The following ACSL4 variants were observed in gnomAD, a reference collection of about 807,000 sequenced individuals.
The protein encoded by ACSL4 is long-chain-fatty-acid--CoA ligase 4.
ACSL4 carries 9 observed loss-of-function variants against 49.1 expected under a neutral mutation model. The ratio of observed to expected loss-of-function variants is 0.18; its 90% confidence interval spans 0.11 to 0.32. The LOEUF (loss-of-function observed/expected upper bound fraction) is 0.32. Among genes scored for constraint, ACSL4 ranks in the 10% least tolerant of loss-of-function variants. The pLI is 1.00. For missense variants in ACSL4, 333 were observed against 493.7 expected (o/e 0.67, Z 3.08); for synonymous variants, 191 against 170.3 (o/e 1.12, Z -0.95).
intron 1 of ACSL4, among the ~76,000 whole-genome samples, chrX:109,702,786 T>A (rs1186996343): frequency 9.0e-6 from 1 of 111,674 alleles, no homozygotes; most frequent in Non-Finnish European, 1.9e-5. Flanking sequence ...ACAGCTGGTA[T>A]TAACACAATC....
rs376425926 is a variant in ACSL4, at chrX:109,645,701, G to A, written c.1856-1515C>T. The stretch of plus-strand genomic sequence containing the variant: ...GACTCTGGCGAGCTGAGAGAAGAAG[G>A]CTTCAGACAATCAAATTACTCCGAG... On this transcript the variant is annotated intron_variant, in intron 15 of 15. Coordinates refer to ENST00000672401, the MANE Select transcript of ACSL4 (RefSeq NM_001318510.2). Among the ~76,000 whole-genome samples, 34 of 112,224 alleles carry A rather than the reference G, an allele frequency of 3.0e-4. No individual in the cohort carries two copies. The East Asian group carries it at 6.1e-3, about 20-fold the overall frequency.
At chrX:109,700,363 C>T (rs909132228) in intron 1 of ACSL4, among the ~76,000 whole-genome samples, 1 of 109,260 alleles carries the variant, frequency 9.2e-6, no homozygotes, top group African/African-American at 3.3e-5. Flanking sequence ...AAAACCACCT[C>T]TCCACTAGAA....
intron 9 of ACSL4, among the ~76,000 whole-genome samples, chrX:109,670,673 C>G (rs1416224719): frequency 1.8e-5 from 2 of 110,083 alleles, no homozygotes; most frequent in African/African-American, 6.6e-5. Flanking sequence ...CCTCTGATGC[C>G]GAGCGGAGGC....
intron 1 of ACSL4, among the ~76,000 whole-genome samples, chrX:109,698,965 G>A (rs1925659550): frequency 8.9e-6 from 1 of 112,648 alleles, no homozygotes; most frequent in South Asian, 3.6e-4. Flanking sequence ...GATAGCATCT[G>A]TTGGAAATGT....
At chrX:109,671,599 G>A (rs1168112036) in intron 9 of ACSL4, among the ~76,000 whole-genome samples, 1 of 112,702 alleles carries the variant, frequency 8.9e-6, no homozygotes, top group African/African-American at 3.2e-5. Context: ...CATTGAGAAC[G>A]GGCCATGATG....
chrX:109,699,252 A>C, intron 1 of ACSL4, among the ~76,000 whole-genome samples: 1 of 111,830 alleles, frequency 8.9e-6, no homozygotes, highest in Non-Finnish European at 1.9e-5. Flanking sequence ...CTATTAACCC[A>C]GCTACGGGGG....
chrX:109,668,042 C>A (rs983596601), intron 11 of ACSL4, 59 bp downstream of exon 11: 10 of 897,357 alleles, frequency 1.1e-5, no homozygotes, highest in East Asian at 9.4e-5. Context: ...AAAGGTAATG[C>A]GAATGTATTT....
intron 6 of ACSL4, among the ~76,000 whole-genome samples, chrX:109,678,680 G>A (rs1219273742): frequency 2.7e-5 from 3 of 111,718 alleles, no homozygotes; most frequent in African/African-American, 9.8e-5. Context: ...AACTAAAAAA[G>A]TTAGCCGGAT....
At chrX:109,724,468 G>C (rs1401487138) in intron 1 of ACSL4, among the ~76,000 whole-genome samples, 1 of 110,665 alleles carries the variant, frequency 9.0e-6, no homozygotes, top group African/African-American at 3.3e-5. Context: ...TTTGAGACAA[G>C]GTCTCACTCT....
At chrX:109,726,706 T>C (rs2147558943) in intron 1 of ACSL4, among the ~76,000 whole-genome samples, 1 of 111,194 alleles carries the variant, frequency 9.0e-6, no homozygotes, top group Admixed American at 9.6e-5. Flanking sequence ...TGAGACAGGG[T>C]CTCGCTCTAT....
At chrX:109,711,457 T>C (rs908997772) in intron 1 of ACSL4, among the ~76,000 whole-genome samples, 21 of 112,037 alleles carry the variant, frequency 1.9e-4, no homozygotes, top group African/African-American at 6.8e-4. Flanking sequence ...GGGCAAAATA[T>C]TTAACATCTT....
chrX:109,674,389 A>G lies in ACSL4; in HGVS notation c.1002+13T>C. 8.5e-7 allele frequency: 1 copy of G among 1,178,692 alleles called. No homozygotes were observed. The highest frequency in any genetic ancestry group is 1.2e-6 in the Non-Finnish European group (1 of 865,193). On this transcript the variant is annotated intron_variant, in intron 9 of 15. Transcript: ENST00000672401. ...ACAATCCTCTTATGTTCATATTCAT[A>G]TTCTGTACTCACCGGAACAGCAGCC...
At chrX:109,729,279 A>G (rs1928248206) in intron 1 of ACSL4, among the ~76,000 whole-genome samples, 1 of 112,274 alleles carries the variant, frequency 8.9e-6, no homozygotes, top group Non-Finnish European at 1.9e-5. Flanking sequence ...GAAAATGGAC[A>G]AAAGACATGA....
At chrX:109,676,589 T>C (rs1289124822) in intron 8 of ACSL4, among the ~76,000 whole-genome samples, 1 of 111,382 alleles carries the variant, frequency 9.0e-6, no homozygotes, top group Non-Finnish European at 1.9e-5. Context: ...ACAGCTTCTT[T>C]AGTGGCTCTT....
chrX:109,667,734 A>C (rs893853804), intron 11 of ACSL4, among the ~76,000 whole-genome samples: 2 of 111,235 alleles, frequency 1.8e-5, no homozygotes, highest in African/African-American at 6.6e-5. Context: ...CCATCTAAAA[A>C]TACAAAAATT....
intron 1 of ACSL4, among the ~76,000 whole-genome samples, chrX:109,712,177 C>T (rs190273601): frequency 6.5e-4 from 73 of 111,502 alleles, no homozygotes; most frequent in African/African-American, 2.2e-3. Context: ...CAGCTCACTG[C>T]AGCCTCAAAT....
intron 1 of ACSL4, among the ~76,000 whole-genome samples, chrX:109,732,243 T>C (rs1044923202): frequency 3.6e-5 from 4 of 112,082 alleles, no homozygotes; most frequent in African/African-American, 1.3e-4. Context: ...ACGATTGACC[T>C]TTTTTTAGGT....
chrX:109,680,688 T>C (rs1195285677), intron 6 of ACSL4, among the ~76,000 whole-genome samples: 1 of 112,849 alleles, frequency 8.9e-6, no homozygotes, highest in African/African-American at 3.2e-5. Context: ...TTTTCTTTTA[T>C]GAGGCCCAAA....
rs11322335 is a variant in ACSL4, at chrX:109,697,710, TGGG to T, written c.-65-1517_-65-1515del. Reference sequence around the variant, plus strand: ...AGAAGGCTAACATTTGCTATTGACATGGGGGGGGGGGCGCGGGGAACTTGCATA... The same window carrying T: ...AGAAGGCTAACATTTGCTATTGACATGGGGGGGGCGCGGGGAACTTGCATA... On this transcript the variant is annotated intron_variant, in intron 1 of 15. Transcript: ENST00000672401. Among the ~76,000 whole-genome samples the T allele has an allele frequency of 4.9e-3, 320 of 65,443 alleles. 4 individuals carry two copies. The highest frequency in any genetic ancestry group is 0.016 in the African/African-American group (275 of 17,237). The allele number at this position is 65,443 out of a possible 115,157, so 56.8% of individuals were successfully genotyped here.
Sources: allele counts gnomAD v4.1 joint callset (sites outside exome capture counted in the v4.1 genomes callset), GRCh38; gene constraint gnomAD v4.1.1; transcripts MANE v1.5; gene names NCBI Gene and HGNC (gene_info 2026-07-23, HGNC 2026-07-21).